Variants in POGZ observed in about 807,000 individuals in gnomAD.
POGZ encodes pogo transposable element derived with ZNF domain.
POGZ carries 17 observed loss-of-function variants against 134.6 expected under a neutral mutation model. That is an observed-to-expected ratio of 0.13 (90% CI 0.09 to 0.19). The LOEUF is 0.19. Among genes scored for constraint, POGZ ranks in the 10% least tolerant of loss-of-function variants. The pLI, the probability that POGZ is intolerant of heterozygous loss-of-function variation, is 1.00. For synonymous variants in POGZ, 693 were observed against 657.1 expected, an observed-to-expected ratio of 1.05 and a Z score of -0.84; for missense variants, 1,306 against 1,769.7, an observed-to-expected ratio of 0.74 and a Z score of 4.70.
chr1:151,404,242 A>G lies in POGZ; in HGVS notation c.*560T>C, dbSNP rs1653183306. On this transcript the variant is annotated 3_prime_UTR_variant, in exon 19 of 19. Coordinates refer to ENST00000271715, the MANE Select transcript of POGZ (RefSeq NM_015100.4). ...TTTTTTCCATTTTCATTTTTATATA[A>G]AAGTGTTAAGACCACAATGAAAAAA... The G allele has an allele frequency of 1.8e-5, 18 of 984,558 alleles. No individual in the cohort carries two copies. Among genetic ancestry groups the G allele is most frequent in the East Asian group, 1.1e-4 (1 of 8,810 alleles). 61.0% of individuals were successfully genotyped at this position (984,558 alleles called of 1,614,324 possible).
chr1:151,458,419 T>C (rs917352741), intron 1 of POGZ, among the ~76,000 whole-genome samples: 1 of 152,074 alleles, frequency 6.6e-6, no homozygotes, highest in Admixed American at 6.5e-5. Flanking sequence ...GGAGACTTCG[T>C]AAACTAGCTG....
At chr1:151,431,771 C>T (rs1405165200) in intron 3 of POGZ, among the ~76,000 whole-genome samples, 2 of 152,108 alleles carry the variant, frequency 1.3e-5, no homozygotes, top group South Asian at 2.1e-4. Flanking sequence ...TTTAAGTCCC[C>T]TATTTCATGA....
At chr1:151,412,236 A>C (rs1654808357) in intron 11 of POGZ, 60 bp downstream of exon 11, 3 of 873,850 alleles carry the variant, frequency 3.4e-6, no homozygotes, top group Admixed American at 4.1e-5. Flanking sequence ...TCATTAGTAA[A>C]TTCTTTGTAT....
intron 10 of POGZ, among the ~76,000 whole-genome samples, chr1:151,414,258 A>C (rs1362061905): frequency 1.3e-5 from 2 of 152,160 alleles, no homozygotes; most frequent in Non-Finnish European, 2.9e-5. Context: ...TAACGATATT[A>C]TCTCTTTTCC....
At chr1:151,441,472 C>T (rs966948499) in intron 2 of POGZ, among the ~76,000 whole-genome samples, 2 of 152,140 alleles carry the variant, frequency 1.3e-5, no homozygotes, top group Non-Finnish European at 2.9e-5. Flanking sequence ...CAAACCAATG[C>T]CATCTTCAGG....
At chr1:151,424,577 T>C (rs779274016) in intron 8 of POGZ, 11 of 324,870 alleles carry the variant, frequency 3.4e-5, no homozygotes, top group Non-Finnish European at 5.6e-5. Flanking sequence ...CCAACCTTTT[T>C]ATCTGGACTA....
chr1:151,428,275 G>C lies in POGZ; in HGVS notation c.707C>G (p.Thr236Ser), dbSNP rs1658102399. The C allele has an allele frequency of 6.2e-7, 1 of 1,614,058 alleles. No individual in the cohort carries two copies. Among genetic ancestry groups the C allele is most frequent in the Non-Finnish European group, 8.5e-7 (1 of 1,180,030 alleles). ...GGACTGTGGGACGGTGCTTCGAATG[G>C]TAAGAGTGGCCGGGATGACGGTGGT... Reference protein sequence around the residue: ...TFTTVIPATLTIRSTVPQSQS... With the variant: ...TFTTVIPATLSIRSTVPQSQS... The change falls in exon 6 of 19, where the codon ACC becomes AGC. Residue 236 changes from threonine (T) to serine (S), a missense_variant. By Grantham distance (58) the Thr-to-Ser change is moderately conservative. Around this residue, in one of 10 missense-constraint regions of POGZ, gnomAD observed 541 missense variants for 680.5 expected, o/e 0.80. Coordinates refer to ENST00000271715, the MANE Select transcript of POGZ (RefSeq NM_015100.4).
In POGZ at chr1:151,458,773, T is replaced by C. The variant is rs953280891; in HGVS notation, c.-2+379A>G. 2.4e-4 allele frequency among the ~76,000 whole-genome samples: 35 copies of C among 144,014 alleles called. 1 individual carries two copies. The highest frequency in any genetic ancestry group is 1.9e-3 in the East Asian group (9 of 4,780). 94.5% of individuals were successfully genotyped at this position (144,014 alleles called of 152,430 possible). A position where few individuals can be genotyped will look rare whatever the true frequency, so the allele number is the denominator to read the frequency against. On this transcript the variant is annotated intron_variant, in intron 1 of 18. Transcript: ENST00000271715. ...AGACGCCTCGCGCCGAGCGTGCGTG[T>C]GGACGTCGGGCTGTGTGCGGGGCCG...
In POGZ at chr1:151,403,790, T is replaced by C; in HGVS notation, c.*1012A>G. On this transcript the variant is annotated 3_prime_UTR_variant, in exon 19 of 19. Coordinates refer to ENST00000271715, the MANE Select transcript of POGZ (RefSeq NM_015100.4). ...TTCTTGAACAATTAGCTCCTGGCTG[T>C]AGGACCAGTAATCCCTTAAACAGGC... 1 of 985,590 alleles carries C rather than the reference T, an allele frequency of 1.0e-6. No homozygotes were observed. Among genetic ancestry groups the C allele is most frequent in the South Asian group, 4.7e-5 (1 of 21,290 alleles). 61.1% of individuals were successfully genotyped at this position (985,590 alleles called of 1,614,324 possible). A position where few individuals can be genotyped will look rare whatever the true frequency, so the allele number is the denominator to read the frequency against.
chr1:151,435,534 C>T (rs1395752756), intron 3 of POGZ, among the ~76,000 whole-genome samples: 4 of 151,596 alleles, frequency 2.6e-5, no homozygotes, highest in African/African-American at 9.7e-5. Flanking sequence ...GCTCTGTAGC[C>T]CAAGTTGGAG....
chr1:151,431,885 C>G (rs1326133220), intron 3 of POGZ, among the ~76,000 whole-genome samples: 1 of 152,056 alleles, frequency 6.6e-6, no homozygotes, highest in East Asian at 1.9e-4. Context: ...AAGAGTCAAG[C>G]AGGCCAGGCA....
intron 10 of POGZ, among the ~76,000 whole-genome samples, chr1:151,412,828 G>C (rs1277602636): frequency 6.6e-6 from 1 of 151,862 alleles, no homozygotes; most frequent in East Asian, 1.9e-4. Context: ...TTATAATAAG[G>C]CAAAAACTTG....
intron 1 of POGZ, among the ~76,000 whole-genome samples, chr1:151,450,185 C>T (rs916234802): frequency 6.6e-5 from 10 of 151,966 alleles, no homozygotes; most frequent in South Asian, 2.1e-4. Flanking sequence ...GTGCCCACCA[C>T]CACGGCTGGC....
chr1:151,415,041 C>CT (rs1437823464), intron 10 of POGZ, among the ~76,000 whole-genome samples: 1 of 152,186 alleles, frequency 6.6e-6, no homozygotes, highest in Non-Finnish European at 1.5e-5. Context: ...GCATGAACAA[C>CT]TGTAACTTCT....
At chr1:151,446,331 A>C (rs1253116022) in intron 1 of POGZ, among the ~76,000 whole-genome samples, 1 of 151,440 alleles carries the variant, frequency 6.6e-6, no homozygotes, top group Non-Finnish European at 1.5e-5. Context: ...TACTTATCAC[A>C]CTAAAAAAAT....
rs944079061 is a variant in POGZ, at chr1:151,403,518, G to A, written c.*1284C>T. Reference sequence around the variant, plus strand: ...GGTTTTTTGCTCCTTTTCTCTGTACGGTACAGTACGTTTTGGTTTACAACC... The same window carrying A: ...GGTTTTTTGCTCCTTTTCTCTGTACAGTACAGTACGTTTTGGTTTACAACC... On this transcript the variant is annotated 3_prime_UTR_variant, in exon 19 of 19. Coordinates refer to ENST00000271715, the MANE Select transcript of POGZ (RefSeq NM_015100.4). The A allele has an allele frequency of 3.1e-5, 31 of 984,924 alleles. No homozygotes were observed. Among genetic ancestry groups the A allele is most frequent in the Non-Finnish European group, 3.5e-5 (29 of 829,430 alleles). 61.0% of individuals were successfully genotyped at this position (984,924 alleles called of 1,614,324 possible). A position where few individuals can be genotyped will look rare whatever the true frequency, so the allele number is the denominator to read the frequency against.
chr1:151,443,337 C>G (rs1322878588), intron 1 of POGZ, among the ~76,000 whole-genome samples: 1 of 151,840 alleles, frequency 6.6e-6, no homozygotes, highest in Non-Finnish European at 1.5e-5. Context: ...TCCTGGAGGC[C>G]ATTCCACTGT....
intron 3 of POGZ, among the ~76,000 whole-genome samples, chr1:151,434,074 C>T (rs1177792487): frequency 6.6e-6 from 1 of 151,954 alleles, no homozygotes; most frequent in African/African-American, 2.4e-5. Context: ...TTTGGGAGGC[C>T]GAGGCAGGCA....
rs543962125 is a variant in POGZ, at chr1:151,417,314, G to A, written c.1679-4918C>T. ...CCTGACCTCGTGATCCACCCGCCTC[G>A]GCCTCCCAAAGTGCTGGGATTACAT... On this transcript the variant is annotated intron_variant, in intron 10 of 18. Coordinates refer to ENST00000271715, the MANE Select transcript of POGZ (RefSeq NM_015100.4). 8.0e-5 allele frequency among the ~76,000 whole-genome samples: 12 copies of A among 150,806 alleles called. No individual in the cohort carries two copies. The South Asian group carries it at 2.5e-3, about 32-fold the overall frequency.
Sources: allele counts gnomAD v4.1 joint callset (sites outside exome capture counted in the v4.1 genomes callset), GRCh38; gene constraint gnomAD v4.1.1; regional missense constraint gnomAD v4.1.1; transcripts MANE v1.5; gene names NCBI Gene and HGNC (gene_info 2026-07-23, HGNC 2026-07-21).